The following FGF14 variants were observed in gnomAD, a reference collection of about 807,000 sequenced individuals.
FGF14 encodes fibroblast growth factor homologous factor 4.
In FGF14, 5 loss-of-function variants were observed where a neutral mutation model predicts 25.5. The observed-to-expected ratio is 0.20, with a 90% CI of 0.10 to 0.41. The LOEUF is 0.41. Ranked by LOEUF, FGF14 falls within the 10% of genes least tolerant of loss-of-function variation. FGF14 has a pLI of 1.00. For missense variants in FGF14, 222 were observed against 320.1 expected, an observed-to-expected ratio of 0.69 and a Z score of 2.34; for synonymous variants, 138 against 118.3, an observed-to-expected ratio of 1.17 and a Z score of -1.08.
At chr13:102,161,611 A>G (rs1448801046) in intron 1 of FGF14, among the ~76,000 whole-genome samples, 78 of 3,968 alleles carry the variant, frequency 0.02, 1 homozygote, top group Non-Finnish European at 0.024. Context: ...GAAGAAGAAG[A>G]AGAAGAAGAA....
chr13:101,959,350 C>A (rs1001388107), intron 1 of FGF14, among the ~76,000 whole-genome samples: 1 of 151,294 alleles, frequency 6.6e-6, no homozygotes, highest in African/African-American at 2.4e-5. Flanking sequence ...CCCACAGTTG[C>A]CCATGGTGTG....
chr13:101,973,064 C>G (rs1684991940), intron 1 of FGF14, among the ~76,000 whole-genome samples: 1 of 151,762 alleles, frequency 6.6e-6, no homozygotes, highest in East Asian at 1.9e-4. Flanking sequence ...GAAGAAAACT[C>G]TCTTCACTTT....
At chr13:102,144,538 T>C (rs969961441) in intron 1 of FGF14, among the ~76,000 whole-genome samples, 1 of 150,756 alleles carries the variant, frequency 6.6e-6, no homozygotes, top group Admixed American at 6.6e-5. Flanking sequence ...GTGTTATATA[T>C]GATAGTTATA....
At chr13:102,383,992 T>G (rs1175672379) in intron 1 of FGF14, among the ~76,000 whole-genome samples, 1 of 152,234 alleles carries the variant, frequency 6.6e-6, no homozygotes, top group Non-Finnish European at 1.5e-5. Context: ...GTGTTCCAAT[T>G]ACTCACATGC....
chr13:102,276,918 G>T (rs191591542), intron 1 of FGF14, among the ~76,000 whole-genome samples: 1 of 152,080 alleles, frequency 6.6e-6, no homozygotes, highest in South Asian at 2.1e-4. Context: ...CTGTGCTGAT[G>T]GTCACCTATC....
intron 1 of FGF14, among the ~76,000 whole-genome samples, chr13:102,066,130 C>T (rs1390950266): frequency 2.0e-5 from 3 of 151,986 alleles, no homozygotes; most frequent in Admixed American, 6.6e-5. Flanking sequence ...AAAATATATC[C>T]TGGTTTTAAG....
At chr13:101,859,021 A>G (rs1035425464) in intron 3 of FGF14, among the ~76,000 whole-genome samples, 17 of 152,112 alleles carry the variant, frequency 1.1e-4, no homozygotes, top group African/African-American at 3.4e-4. Context: ...TGGATTTATC[A>G]TGCTCTTTCA....
rs371808163 is a variant in FGF14, at chr13:101,726,297, A to G, written c.607+315T>C. On this transcript the variant is annotated intron_variant, in intron 4 of 4. Transcript: ENST00000376143. ...GCAGATTTGTATCATTACAGATTTA[A>G]AATTGTTTTAACTTAATTAATTTAA... Among the ~76,000 whole-genome samples, 6 of 152,168 alleles carry G rather than the reference A, an allele frequency of 3.9e-5. No homozygotes were observed. In the East Asian group the frequency reaches 9.7e-4, roughly 25 times the overall value.
chr13:101,926,749 T>C (rs1233846248), intron 1 of FGF14, among the ~76,000 whole-genome samples: 2 of 152,234 alleles, frequency 1.3e-5, no homozygotes, highest in African/African-American at 4.8e-5. Flanking sequence ...AAATACATTC[T>C]GCAAGTCTTT....
At chr13:101,857,221 T>C (rs1331601184) in intron 3 of FGF14, among the ~76,000 whole-genome samples, 2 of 151,990 alleles carry the variant, frequency 1.3e-5, no homozygotes, top group Admixed American at 6.6e-5. Flanking sequence ...AAATAATAGA[T>C]AGGAGCCAGG....
chr13:102,359,169 T>TG (rs1210323076), intron 1 of FGF14, among the ~76,000 whole-genome samples: 1 of 150,630 alleles, frequency 6.6e-6, no homozygotes, highest in Non-Finnish European at 1.5e-5. Context: ...GACCTGTCAG[T>TG]GGGGGTGGGG....
chr13:102,013,602 C>T (rs1234938224), intron 1 of FGF14, among the ~76,000 whole-genome samples: 1 of 152,138 alleles, frequency 6.6e-6, no homozygotes, highest in Non-Finnish European at 1.5e-5. Flanking sequence ...TCTTGAATAA[C>T]AGAATCCATT....
intron 1 of FGF14, among the ~76,000 whole-genome samples, chr13:102,026,124 T>C (rs867006091): frequency 9.2e-5 from 14 of 152,156 alleles, no homozygotes; most frequent in South Asian, 4.1e-4. Context: ...CTTCTGTTCC[T>C]AGTCTGCTGA....
intron 1 of FGF14, among the ~76,000 whole-genome samples, chr13:102,152,450 T>C (rs1432212626): frequency 6.6e-6 from 1 of 152,230 alleles, no homozygotes; most frequent in African/African-American, 2.4e-5. Flanking sequence ...GTCTTCCCTC[T>C]GTGTGTGTCT....
At chr13:102,306,450 G>GA (rs1419581186) in intron 1 of FGF14, among the ~76,000 whole-genome samples, 2 of 152,024 alleles carry the variant, frequency 1.3e-5, no homozygotes, top group South Asian at 2.1e-4. Flanking sequence ...AGGCCTTCTG[G>GA]AAAAAATAGG....
intron 3 of FGF14, among the ~76,000 whole-genome samples, chr13:101,739,334 C>A (rs2036394843): frequency 6.6e-6 from 1 of 151,756 alleles, no homozygotes; most frequent in Admixed American, 6.6e-5. Context: ...TTAGAATAAG[C>A]AAAAGTTGAC....
intron 1 of FGF14, among the ~76,000 whole-genome samples, chr13:102,078,418 ACAAGT>A (rs2043462661): frequency 6.6e-6 from 1 of 151,496 alleles, no homozygotes; most frequent in African/African-American, 2.5e-5. Context: ...TCAACTAAAA[ACAAGT>A]CAAACAATAC....
chr13:101,918,606 G>C (rs185438239), upstream of FGF14, among the ~76,000 whole-genome samples: 1 of 152,298 alleles, frequency 6.6e-6, no homozygotes, highest in South Asian at 2.1e-4. Flanking sequence ...CCAGGCAACT[G>C]GGGGGAAGTG....
Position 101,953,051 on chromosome 13 carries a change from C to G in FGF14, c.209-77755G>C, listed in dbSNP as rs187766488. Among the ~76,000 whole-genome samples, 957 of 126,228 alleles carry G rather than the reference C, an allele frequency of 7.6e-3. 11 individuals are homozygous for G. Among genetic ancestry groups the G allele is most frequent in the African/African-American group, 0.03 (905 of 29,700 alleles). 82.8% of individuals were successfully genotyped at this position (126,228 alleles called of 152,430 possible). On this transcript the variant is annotated intron_variant, in intron 1 of 4. Transcript: ENST00000376131. ...CTCCATCTCTAAATAAATAAATAAA[C>G]TGTCTTGGAAAGTTGTGTAGATAGC... is the stretch of plus-strand genomic sequence containing the variant.
Sources: allele counts gnomAD v4.1 joint callset (sites outside exome capture counted in the v4.1 genomes callset), GRCh38; gene constraint gnomAD v4.1.1; transcripts MANE v1.5; gene names NCBI Gene and HGNC (gene_info 2026-07-23, HGNC 2026-07-21).